The following DMD variants were observed in gnomAD, a reference collection of about 807,000 sequenced individuals.
The protein encoded by DMD is mutant dystrophin.
A neutral mutation model predicts 330.1 loss-of-function variants in DMD; 63 were observed. That is an observed-to-expected ratio of 0.19 (90% CI 0.16 to 0.24). DMD has a LOEUF of 0.24. Ranked by LOEUF, DMD falls within the 10% of genes least tolerant of loss-of-function variation. The pLI is 1.00. For missense variants in DMD, 3,344 were observed against 2,684.1 expected (o/e 1.25, Z -5.43); for synonymous variants, 1,223 against 959.8 (o/e 1.27, Z -5.07).
intron 9 of DMD, among the ~76,000 whole-genome samples, chrX:32,681,948 A>G (rs2062457419): frequency 9.0e-6 from 1 of 111,625 alleles, no homozygotes; most frequent in South Asian, 3.8e-4. Flanking sequence ...GAAGAGGGAG[A>G]TACATGTGTA....
intron 20 of DMD, 121 bp from the exon 21 acceptor site, chrX:32,485,220 T>C: frequency 1.6e-6 from 1 of 642,039 alleles, no homozygotes; most frequent in South Asian, 2.4e-5. Context: ...AAATATCTGA[T>C]AAGAAACATC....
At chrX:31,504,587 A>G (rs1014194162) in intron 56 of DMD, among the ~76,000 whole-genome samples, 2 of 111,625 alleles carry the variant, frequency 1.8e-5, no homozygotes, top group African/African-American at 6.5e-5. Flanking sequence ...AAGTGACAAG[A>G]TTCATAATGC....
intron 45 of DMD, among the ~76,000 whole-genome samples, chrX:31,934,465 TTTA>T (rs1272245961): frequency 8.9e-6 from 1 of 112,074 alleles, no homozygotes; most frequent in Non-Finnish European, 1.9e-5. Flanking sequence ...ATGTTTATGA[TTTA>T]TTGTTTTTAA....
At chrX:33,188,274 A>G (rs1203718234) in intron 1 of DMD, among the ~76,000 whole-genome samples, 9 of 108,865 alleles carry the variant, frequency 8.3e-5, no homozygotes, top group African/African-American at 2.3e-4. Context: ...CTCATCATCT[A>G]TCTAACATCT....
rs1382730621 is a variant in DMD at position 31,873,239 on chromosome X, A to ACTTGTGAC, written c.7098+1941_7098+1948dup. The stretch of plus-strand genomic sequence containing the variant: ...GTTTTGTGCTAGTGAAATGATGTCT[A>ACTTGTGAC]CTTGTGACTTCCACAGTGCCATCTG... On this transcript the variant is annotated intron_variant, in intron 48 of 78. Coordinates refer to ENST00000357033, the MANE Select transcript of DMD (RefSeq NM_004006.3). Among the ~76,000 whole-genome samples the ACTTGTGAC allele has an allele frequency of 2.7e-5, 3 of 111,973 alleles. No individual in the cohort carries two copies. In the East Asian group the frequency reaches 8.4e-4, roughly 32 times the overall value.
At chrX:31,885,332 G>A (rs1219159364) in intron 47 of DMD, among the ~76,000 whole-genome samples, 1 of 111,073 alleles carries the variant, frequency 9.0e-6, no homozygotes, top group African/African-American at 3.3e-5. Flanking sequence ...CATCTGGGCC[G>A]GGCGCGGTGG....
intron 6 of DMD, among the ~76,000 whole-genome samples, chrX:32,815,623 ATATG>A (rs2077703891): frequency 9.3e-6 from 1 of 107,633 alleles, no homozygotes; most frequent in Admixed American, 1.0e-4. Flanking sequence ...GTACATATAC[ATATG>A]TATTTCCTAC....
intron 34 of DMD, among the ~76,000 whole-genome samples, 170 bp downstream of exon 34, chrX:32,380,340 A>T (rs1289649562): frequency 8.9e-6 from 1 of 111,921 alleles, no homozygotes; most frequent in East Asian, 2.8e-4. Flanking sequence ...AAAGCTTACC[A>T]TTGGTTTTAT....
intron 2 of DMD, among the ~76,000 whole-genome samples, chrX:33,008,893 T>C (rs1224366573): frequency 1.2e-5 from 1 of 86,491 alleles, no homozygotes; most frequent in South Asian, 5.5e-4. Flanking sequence ...TATATACGTG[T>C]ATATATACAC....
At chrX:32,165,786 C>T (rs374857956) in intron 44 of DMD, among the ~76,000 whole-genome samples, 1 of 111,178 alleles carries the variant, frequency 9.0e-6, no homozygotes, top group Admixed American at 9.5e-5. Flanking sequence ...CCCCAGGTGT[C>T]AAAGGAGAGG....
intron 45 of DMD, among the ~76,000 whole-genome samples, chrX:31,957,069 G>A (rs1415155811): frequency 3.6e-5 from 4 of 111,868 alleles, no homozygotes; most frequent in East Asian, 2.8e-4. Flanking sequence ...CGTGGCACAT[G>A]CCTGTAATCC....
At chrX:32,526,107 T>A (rs1420575714) in intron 17 of DMD, among the ~76,000 whole-genome samples, 1 of 111,827 alleles carries the variant, frequency 8.9e-6, no homozygotes, top group African/African-American at 3.2e-5. Context: ...CCTCATATAC[T>A]TAACTCTGTA....
intron 62 of DMD, among the ~76,000 whole-genome samples, chrX:31,296,091 T>G (rs2054164507): frequency 9.1e-6 from 1 of 110,199 alleles, no homozygotes; most frequent in African/African-American, 3.3e-5. Context: ...AAGAAGCTAT[T>G]AAGAAAATCT....
intron 62 of DMD, among the ~76,000 whole-genome samples, chrX:31,315,767 T>C (rs996559406): frequency 1.4e-4 from 16 of 112,427 alleles, no homozygotes; most frequent in African/African-American, 4.2e-4. Context: ...ATATGCCATA[T>C]AGAATGTTAC....
intron 12 of DMD, among the ~76,000 whole-genome samples, chrX:32,606,759 A>G (rs2056752563): frequency 9.4e-6 from 1 of 106,255 alleles, no homozygotes. Flanking sequence ...ACACATACAT[A>G]TATATACACA....
intron 30 of DMD, among the ~76,000 whole-genome samples, chrX:32,398,739 A>T (rs1396724902): frequency 1.8e-5 from 2 of 111,984 alleles, no homozygotes; most frequent in South Asian, 7.3e-4. Context: ...AGAAAAAACA[A>T]TCTTAAAATT....
intron 9 of DMD, among the ~76,000 whole-genome samples, chrX:32,675,047 G>C (rs770921503): frequency 9.0e-6 from 1 of 111,465 alleles, no homozygotes; most frequent in Non-Finnish European, 1.9e-5. Flanking sequence ...CGAATGTTCT[G>C]ATTTCAAATT....
intron 43 of DMD, among the ~76,000 whole-genome samples, chrX:32,227,581 G>A (rs975555628): frequency 1.4e-4 from 15 of 108,018 alleles, no homozygotes; most frequent in African/African-American, 5.0e-4. Flanking sequence ...GGATGGGGGC[G>A]AAGGATAGGA....
chrX:31,321,228 A>AC (rs1214339473), intron 62 of DMD, among the ~76,000 whole-genome samples: 2 of 111,634 alleles, frequency 1.8e-5, no homozygotes, highest in Non-Finnish European at 3.8e-5. Context: ...CATGCTCATT[A>AC]CGTCTTAGAG....
Sources: gnomAD v4.1 joint callset for allele counts (sites outside exome capture counted in the v4.1 genomes callset) on GRCh38, gnomAD v4.1.1 for gene constraint, MANE v1.5 for transcripts, NCBI Gene and HGNC (gene_info 2026-07-23, HGNC 2026-07-21) for gene names.